The following CA10 variants were observed in gnomAD, a reference collection of about 807,000 sequenced individuals.
CA10 encodes the protein carbonic anhydrase 10 (inactive).
Under a neutral mutation model 44.2 loss-of-function variants are expected in CA10, and 14 were observed. The ratio of observed to expected loss-of-function variants is 0.32; its 90% CI spans 0.21 to 0.50. The LOEUF (loss-of-function observed/expected upper bound fraction) is 0.50, where lower values mean the gene tolerates loss of function less well. Among genes scored for constraint, CA10 ranks in the 20% least tolerant of loss-of-function variants. The probability of loss-of-function intolerance (pLI) is 0.99; values close to 1 mark genes in which losing one functional copy is unlikely to be tolerated. For missense variants in CA10, 350 were observed against 409.7 expected, an observed-to-expected ratio of 0.85 and a Z score of 1.26; for synonymous variants, 159 against 141.6, an observed-to-expected ratio of 1.12 and a Z score of -0.87.
chr17:51,957,432 CT>C lies in CA10; in HGVS notation c.137-26301del, dbSNP rs528128442. Among the ~76,000 whole-genome samples, 752 of 144,356 alleles carry C rather than the reference CT, an allele frequency of 5.2e-3. 2 individuals carry two copies. The highest frequency in any genetic ancestry group is 0.013 in the African/African-American group (524 of 39,588). 94.7% of individuals were successfully genotyped at this position (144,356 alleles called of 152,430 possible). A position where few individuals can be genotyped will look rare whatever the true frequency, so the allele number is the denominator to read the frequency against. On this transcript the variant is annotated intron_variant, in intron 2 of 8. Coordinates refer to ENST00000451037, the MANE Select transcript of CA10 (RefSeq NM_020178.5). ...TTGCTACTCCCTGAATATATGAAAA[CT>C]TTTTTTTTTTTTGTAAAGAGAGAGT...
chr17:51,900,108 T>C (rs561061280), intron 3 of CA10, among the ~76,000 whole-genome samples: 4 of 152,236 alleles, frequency 2.6e-5, no homozygotes, highest in Admixed American at 1.3e-4. Context: ...CTTGATTGTA[T>C]AGTGGCTTTA....
intron 3 of CA10, among the ~76,000 whole-genome samples, chr17:51,753,902 G>A (rs368369926): frequency 6.6e-6 from 1 of 152,098 alleles, no homozygotes; most frequent in East Asian, 1.9e-4. Flanking sequence ...GGAGTGCAGT[G>A]GCGTGATCTT....
intron 3 of CA10, among the ~76,000 whole-genome samples, chr17:51,783,794 G>T (rs1906149294): frequency 6.6e-6 from 1 of 152,162 alleles, no homozygotes; most frequent in African/African-American, 2.4e-5. Context: ...AGGTGCTGAG[G>T]TTCTGCAGTG....
intron 1 of CA10, among the ~76,000 whole-genome samples, chr17:52,087,461 G>C (rs1036055014): frequency 6.6e-6 from 1 of 152,132 alleles, no homozygotes. Context: ...GTATTTAAAT[G>C]CTAGACAAAA....
chr17:51,905,526 CTTTTTTTTTTTTTTTTT>C (rs34606778), intron 3 of CA10, among the ~76,000 whole-genome samples: 1 of 99,856 alleles, frequency 1.0e-5, no homozygotes, highest in African/African-American at 5.0e-5. Context: ...CCTATCAGTC[CTTTTTTTTTTTTTTTTT>C]TTTTTTTTAC....
At chr17:51,663,590 C>G (rs2143321112) in intron 4 of CA10, among the ~76,000 whole-genome samples, 1 of 152,300 alleles carries the variant, frequency 6.6e-6, no homozygotes, top group East Asian at 1.9e-4. Context: ...CATAACCACT[C>G]AAATAATCGT....
intron 3 of CA10, among the ~76,000 whole-genome samples, chr17:51,835,996 G>T (rs897755218): frequency 6.6e-6 from 1 of 152,148 alleles, no homozygotes; most frequent in African/African-American, 2.4e-5. Flanking sequence ...TAATGGTGTT[G>T]ATGATGATGG....
At chr17:51,836,425 C>T (rs2143795673) in intron 3 of CA10, among the ~76,000 whole-genome samples, 1 of 152,322 alleles carries the variant, frequency 6.6e-6, no homozygotes, top group East Asian at 1.9e-4. Context: ...CAAAGGCAGT[C>T]TGGTAAAGAA....
chr17:51,881,118 T>TA (rs1447932193), intron 3 of CA10, among the ~76,000 whole-genome samples: 8 of 151,542 alleles, frequency 5.3e-5, no homozygotes, highest in African/African-American at 1.5e-4. Context: ...CTGGCGCCTG[T>TA]AGTCCCAGCT....
intron 2 of CA10, among the ~76,000 whole-genome samples, chr17:51,944,020 AT>A (rs1236197175): frequency 6.6e-6 from 1 of 151,990 alleles, no homozygotes; most frequent in Non-Finnish European, 1.5e-5. Flanking sequence ...ATTGCTCTCA[AT>A]TTTCTCCACC....
chr17:51,813,629 G>T (rs962966605), intron 3 of CA10, among the ~76,000 whole-genome samples: 4 of 152,156 alleles, frequency 2.6e-5, no homozygotes, highest in African/African-American at 9.7e-5. Context: ...TCTGTGAAGG[G>T]ACCTGCCCAT....
rs1390950937 is a variant in CA10, at chr17:51,630,782, T to TAAAC, written c.*798_*801dup. 1.3e-5 allele frequency: 2 copies of TAAAC among 152,636 alleles called. No individual in the cohort carries two copies. Among genetic ancestry groups the TAAAC allele is most frequent in the Admixed American group, 6.5e-5 (1 of 15,284 alleles). The allele number at this position is 152,636 out of a possible 1,614,324, so 9.5% of individuals were successfully genotyped here. On this transcript the variant is annotated 3_prime_UTR_variant, in exon 9 of 9. Coordinates refer to ENST00000451037, the MANE Select transcript of CA10 (RefSeq NM_020178.5). ...AGCCAGAAAAATGAAATTAACTCGT[T>TAAAC]AAACACATTTATTGAGCTGGTAACA... is the stretch of plus-strand genomic sequence containing the variant.
At chr17:51,687,023 C>G (rs1915032440) in intron 4 of CA10, among the ~76,000 whole-genome samples, 1 of 152,188 alleles carries the variant, frequency 6.6e-6, no homozygotes, top group South Asian at 2.1e-4. Context: ...AATCTTAAAA[C>G]CAGGTCATGT....
chr17:51,812,302 G>GT (rs1196033447), intron 3 of CA10, among the ~76,000 whole-genome samples: 3 of 152,016 alleles, frequency 2.0e-5, no homozygotes, highest in Non-Finnish European at 2.9e-5. Context: ...ATAATTTTAC[G>GT]TTTTTTTCTG....
intron 3 of CA10, among the ~76,000 whole-genome samples, chr17:51,915,373 C>T (rs914201741): frequency 1.1e-4 from 17 of 152,192 alleles, no homozygotes; most frequent in African/African-American, 3.6e-4. Flanking sequence ...TCAACAAACT[C>T]TTACATTCTT....
chr17:52,055,367 G>T (rs1411213006), intron 2 of CA10, among the ~76,000 whole-genome samples: 1 of 143,150 alleles, frequency 7.0e-6, no homozygotes, highest in Admixed American at 6.9e-5. Flanking sequence ...AAAAAACAAA[G>T]CAAAACTTAA....
At chr17:51,798,475 G>A (rs1420905833) in intron 3 of CA10, among the ~76,000 whole-genome samples, 1 of 152,204 alleles carries the variant, frequency 6.6e-6, no homozygotes, top group African/African-American at 2.4e-5. Context: ...CTGGTTTGAA[G>A]GAGATGGTTT....
Position 51,849,264 on chromosome 17 carries a change from TAA to T in CA10, c.279+81724_279+81725del, listed in dbSNP as rs1555605623. Among the ~76,000 whole-genome samples the T allele has an allele frequency of 1.9e-3, 257 of 135,196 alleles. 1 individual carries two copies. The highest frequency in any genetic ancestry group is 7.9e-3 in the Middle Eastern group (2 of 254). 88.7% of individuals were successfully genotyped at this position (135,196 alleles called of 152,430 possible). A position where few individuals can be genotyped will look rare whatever the true frequency, so the allele number is the denominator to read the frequency against. On this transcript the variant is annotated intron_variant, in intron 3 of 8. Coordinates refer to ENST00000451037, the MANE Select transcript of CA10 (RefSeq NM_020178.5). The stretch of plus-strand genomic sequence containing the variant: ...ATATATATATATATATATATATATA[TAA>T]AACTAAGTTTTTTGGAGTCCTTTTA...
At chr17:51,638,096 G>C (rs1043723739) in intron 6 of CA10, among the ~76,000 whole-genome samples, 2 of 152,190 alleles carry the variant, frequency 1.3e-5, no homozygotes, top group South Asian at 4.1e-4. Context: ...GAAATTGCTC[G>C]TTCAGCCTTC....
Sources: allele counts gnomAD v4.1 joint callset (sites outside exome capture counted in the v4.1 genomes callset), GRCh38; gene constraint gnomAD v4.1.1; transcripts MANE v1.5; gene names NCBI Gene and HGNC (gene_info 2026-07-23, HGNC 2026-07-21).